FCSK: variants seen among roughly 807,000 people sequenced by gnomAD.
The protein encoded by FCSK is L-fucose kinase.
In FCSK, 123 loss-of-function variants were observed where a neutral mutation model predicts 122.5. The ratio of observed to expected loss-of-function variants is 1.00; its 90% CI spans 0.87 to 1.17. The LOEUF (loss-of-function observed/expected upper bound fraction) is 1.17, where lower values mean the gene tolerates loss of function less well. FCSK is among the 50% of genes most tolerant of loss of function. The pLI is 0.00. For missense variants in FCSK, 1,366 were observed against 1,450.4 expected (o/e 0.94, Z 0.95); for synonymous variants, 620 against 625.5 (o/e 0.99, Z 0.13).
In FCSK at chr16:70,468,840, C is replaced by G. The variant is rs1211281228; in HGVS notation, c.664-9C>G. Reference sequence around the variant, plus strand: ...CCTCCATCTCTGATCCTTTTGGGGTCCCTTCCAGGTCTCTGGGGTTGTCTT... The same window carrying G: ...CCTCCATCTCTGATCCTTTTGGGGTGCCTTCCAGGTCTCTGGGGTTGTCTT... On this transcript the variant is annotated splice_polypyrimidine_tract_variant and intron_variant, in intron 8 of 23. Coordinates refer to ENST00000288078, the MANE Select transcript of FCSK (RefSeq NM_145059.3). The G allele has an allele frequency of 6.2e-7, 1 of 1,613,928 alleles. No individual in the cohort carries two copies. Among genetic ancestry groups the G allele is most frequent in the Non-Finnish European group, 8.5e-7 (1 of 1,179,960 alleles).
chr16:70,470,875 C>T, intron 11 of FCSK, 96 bp from the exon 12 acceptor site: 1 of 1,080,102 alleles, frequency 9.3e-7, no homozygotes, highest in South Asian at 1.5e-5. Context: ...GAGCAGTAGG[C>T]CTGGACGCTT....
chr16:70,462,988 C>T (rs2048314580), intron 1 of FCSK, among the ~76,000 whole-genome samples, 181 bp from the exon 2 acceptor site: 1 of 152,134 alleles, frequency 6.6e-6, no homozygotes, highest in Non-Finnish European at 1.5e-5. Context: ...GAGAGCAAAT[C>T]AGTGGTTGTC....
At chr16:70,475,099 CCTGAGGGCCAGCCAGTCTGG>C in intron 18 of FCSK, 88 bp downstream of exon 18, 4 of 1,284,426 alleles carry the variant, frequency 3.1e-6, no homozygotes, top group Non-Finnish European at 3.2e-6. Context: ...TGGGGTCTGG[CCTGAGGGCCAGCCAGTCTGG>C]CTGAGGAGCC....
Position 70,479,240 on chromosome 16 carries a change from C to T in FCSK, c.2990C>T (p.Ala997Val). The T allele has an allele frequency of 6.2e-7, 1 of 1,613,936 alleles. No homozygotes were observed. Among genetic ancestry groups the T allele is most frequent in the South Asian group, 1.1e-5 (1 of 91,084 alleles). ...TSYWEQKKLM[A>V]PGCEPLTVRR... Reference sequence around the variant, plus strand: ...TACTGGGAGCAGAAGAAGCTCATGGCTCCAGGCTGTGAGCCCCTGACTGTG... The same window carrying T: ...TACTGGGAGCAGAAGAAGCTCATGGTTCCAGGCTGTGAGCCCCTGACTGTG... Residue 997 changes from alanine (A) to valine (V), a missense_variant, in exon 23 of 24, where the codon GCT becomes GTT. Ala to Val is a moderately conservative substitution (Grantham distance 64, BLOSUM62 0). Coordinates refer to ENST00000288078, the MANE Select transcript of FCSK (RefSeq NM_145059.3).
chr16:70,455,051 T>G (rs1455621180), intron 1 of FCSK: 1 of 152,250 alleles, frequency 6.6e-6, no homozygotes, highest in Non-Finnish European at 1.5e-5. Flanking sequence ...TGATGTGCTC[T>G]TGGGTAATTT....
At position 70,466,339 on chromosome 16, in the gene FCSK, C is replaced by T; in HGVS notation, c.411+82C>T. On this transcript the variant is annotated intron_variant, in intron 5 of 23. Transcript: ENST00000288078. ...ACTGTTCCCCCAGGTATGATCTATG[C>T]TGGCTCAGCTGGGAGAAGGAATGGT... The T allele has an allele frequency of 2.0e-6, 3 of 1,531,242 alleles. No homozygotes were observed. In the South Asian group the frequency reaches 3.5e-5, roughly 18 times the overall value. 94.9% of individuals were successfully genotyped at this position (1,531,242 alleles called of 1,614,324 possible).
At chr16:70,466,529 C>CA in intron 5 of FCSK, 2 of 477,098 alleles carry the variant, frequency 4.2e-6, no homozygotes, top group Non-Finnish European at 7.5e-6. Context: ...CCCATCTCTA[C>CA]AAAAAAATTT....
chr16:70,459,399 T>TACC (rs2048192602), intron 1 of FCSK, among the ~76,000 whole-genome samples: 1 of 151,894 alleles, frequency 6.6e-6, no homozygotes, highest in East Asian at 1.9e-4. Flanking sequence ...TAGTCAGGCG[T>TACC]GGTGGCACAT....
In FCSK at chr16:70,479,193, G is replaced by C. The variant is rs766368637; in HGVS notation, c.2943G>C (p.Leu981=). Residue 981 remains leucine (L), a synonymous_variant, in exon 23 of 24, where the codon CTG becomes CTC. Transcript: ENST00000288078. ...AEGFRQGSLP[L]LGQCLTSYWE... Reference sequence around the variant, plus strand: ...GCCCCACCTCAGGAAGCCTGCCTCTGCTGGGCCAGTGCCTGACCTCGTACT... The same window carrying C: ...GCCCCACCTCAGGAAGCCTGCCTCTCCTGGGCCAGTGCCTGACCTCGTACT... 2.5e-6 allele frequency: 4 copies of C among 1,613,212 alleles called. No individual in the cohort carries two copies.
rs1213415727 is a variant in FCSK at position 70,467,866 on chromosome 16, C to T, written c.583-20C>T. On this transcript the variant is annotated intron_variant, in intron 7 of 23. Transcript: ENST00000288078. The stretch of plus-strand genomic sequence containing the variant: ...TCCCTTCCTGCTCCCTCCGCTGATT[C>T]TGTTTCTCCCTGCACATAGGGCCTT... The T allele has an allele frequency of 6.2e-7, 1 of 1,607,802 alleles. No homozygotes were observed. Among genetic ancestry groups the T allele is most frequent in the Non-Finnish European group, 8.5e-7 (1 of 1,174,250 alleles).
chr16:70,478,122 A>C (rs576301402), intron 20 of FCSK, 150 bp from the exon 21 acceptor site: 1 of 692,740 alleles, frequency 1.4e-6, no homozygotes, highest in South Asian at 1.9e-5. Context: ...TGTTCTGGGG[A>C]CAGAAGCTGC....
Position 70,478,363 on chromosome 16 carries a change from AGAG to A in FCSK, c.2735_2737del (p.Glu912del), listed in dbSNP as rs1330433963. On this transcript the variant is annotated inframe_deletion, in exon 21 of 24. Coordinates refer to ENST00000288078, the MANE Select transcript of FCSK (RefSeq NM_145059.3). ...AGCTGCCACTGAAGGTGGAGGTAGA[AGAG>A]GTCACGGTGCCTGAGGGCTTTGTCC... 6.2e-7 allele frequency: 1 copy of A among 1,614,128 alleles called. No individual in the cohort carries two copies.
intron 1 of FCSK, among the ~76,000 whole-genome samples, chr16:70,455,800 G>C (rs902253579): frequency 1.1e-4 from 17 of 151,836 alleles, no homozygotes; most frequent in African/African-American, 4.1e-4. Context: ...GCTGAGGCAG[G>C]AGAATCACTT....
chr16:70,466,308 C>T (rs1286081724), intron 5 of FCSK, 51 bp downstream of exon 5: 1 of 1,604,684 alleles, frequency 6.2e-7, no homozygotes, highest in Non-Finnish European at 8.5e-7. Context: ...GAGCCACTTC[C>T]CTCCCACTGT....
rs545717545 is a variant in FCSK at position 70,466,194 on chromosome 16, C to T, written c.348C>T (p.Pro116=). The change falls in exon 5 of 24, where the codon CCC becomes CCT. Residue 116 remains proline, a synonymous_variant. Coordinates refer to ENST00000288078, the MANE Select transcript of FCSK (RefSeq NM_145059.3). ...TCACCTGCCTCCCCGTGGAGAACCC[C>T]GAGGCCCCCGTGGAAGCCTTGGTCT... ...RAFTCLPVEN[P]EAPVEALVCN... is the part of the protein sequence containing the mutation. 2.8e-5 allele frequency: 45 copies of T among 1,613,892 alleles called. 1 individual carries two copies. Among genetic ancestry groups the T allele is most frequent in the South Asian group, 2.1e-4 (19 of 91,078 alleles).
At chr16:70,461,942 C>T (rs1239080304) in intron 1 of FCSK, among the ~76,000 whole-genome samples, 3 of 152,178 alleles carry the variant, frequency 2.0e-5, no homozygotes, top group Non-Finnish European at 4.4e-5. Context: ...CAGGACTATT[C>T]ACATCTGCCA....
In FCSK at chr16:70,473,448, G is replaced by A; in HGVS notation, c.1777+95G>A. Reference sequence around the variant, plus strand: ...TCCCCTGAGGGGACTAGGGGACCATGAGGTGCTCAAGCAGGGAAGGGGCAT... The same window carrying A: ...TCCCCTGAGGGGACTAGGGGACCATAAGGTGCTCAAGCAGGGAAGGGGCAT... On this transcript the variant is annotated intron_variant, in intron 15 of 23. Transcript: ENST00000288078. The surrounding 1 kb of genome is among the most constrained non-coding windows in gnomAD (Gnocchi z 4.9). The A allele has an allele frequency of 7.3e-7, 1 of 1,368,678 alleles. No homozygotes were observed. The highest frequency in any genetic ancestry group is 9.6e-7 in the Non-Finnish European group (1 of 1,042,678). The allele number at this position is 1,368,678 out of a possible 1,614,324, so 84.8% of individuals were successfully genotyped here. A position where few individuals can be genotyped will look rare whatever the true frequency, so the allele number is the denominator to read the frequency against.
chr16:70,478,202 C>T (rs540998283), intron 20 of FCSK, 70 bp from the exon 21 acceptor site: 166 of 1,524,376 alleles, frequency 1.1e-4, no homozygotes, highest in Non-Finnish European at 1.3e-4. Flanking sequence ...GGTGCAGGGC[C>T]GGGAGCCTAG....
intron 22 of FCSK, chr16:70,478,958 T>C: frequency 1.5e-6 from 1 of 675,362 alleles, no homozygotes; most frequent in Non-Finnish European, 2.7e-6. Context: ...GCTTCACAGC[T>C]CCCTAGATGC....
Sources: allele counts gnomAD v4.1 joint callset (sites outside exome capture counted in the v4.1 genomes callset), GRCh38; gene constraint gnomAD v4.1.1; non-coding constraint Gnocchi (gnomAD v3.1); transcripts MANE v1.5; gene names NCBI Gene and HGNC (gene_info 2026-07-23, HGNC 2026-07-21).